Variants in NEK5 observed in about 807,000 individuals in gnomAD.
NEK5 encodes serine/threonine-protein kinase Nek5.
Under a neutral mutation model 109.2 loss-of-function variants are expected in NEK5, and 88 were observed. That is an observed-to-expected ratio of 0.81 (90% CI 0.68 to 0.96). The LOEUF (loss-of-function observed/expected upper bound fraction) is 0.96, where lower values mean the gene tolerates loss of function less well. NEK5 is among the 40% of genes least tolerant of loss of function. The pLI, the probability that NEK5 is intolerant of heterozygous loss-of-function variation, is 0.00. For synonymous variants in NEK5, 283 were observed against 299.9 expected (o/e 0.94, Z 0.58); for missense variants, 834 against 920.7 (o/e 0.91, Z 1.22).
At chr13:52,105,853 G>A (rs746579695) in intron 8 of NEK5, among the ~76,000 whole-genome samples, 22 of 152,098 alleles carry the variant, frequency 1.4e-4, no homozygotes, top group Non-Finnish European at 3.2e-4. Flanking sequence ...ATATTTTAAA[G>A]TCTTTCAATA....
At chr13:52,083,438 AT>A (rs1955056257) in intron 16 of NEK5, 86 bp from the exon 17 acceptor site, 5 of 783,172 alleles carry the variant, frequency 6.4e-6, no homozygotes, top group East Asian at 5.0e-5. Flanking sequence ...CAATGATGAA[AT>A]GGCTGGACAG....
chr13:52,068,463 A>G (rs1954725837), intron 20 of NEK5, among the ~76,000 whole-genome samples: 1 of 74,566 alleles, frequency 1.3e-5, no homozygotes, highest in Non-Finnish European at 2.8e-5. Context: ...ATGAATACAC[A>G]AATACACACA....
intron 23 of NEK5, among the ~76,000 whole-genome samples, chr13:52,044,672 G>T (rs908976452): frequency 6.6e-6 from 1 of 152,194 alleles, no homozygotes; most frequent in Non-Finnish European, 1.5e-5. Context: ...CTAAGCCAAA[G>T]CCCAAGATAG....
At chr13:52,096,962 G>A (rs1031939401) in intron 12 of NEK5, among the ~76,000 whole-genome samples, 4 of 152,186 alleles carry the variant, frequency 2.6e-5, no homozygotes, top group Admixed American at 2.6e-4. Flanking sequence ...TCAGGACATG[G>A]TGTCCTGTAT....
chr13:52,118,456 GAC>G (rs1185560033), intron 4 of NEK5, among the ~76,000 whole-genome samples: 1 of 152,120 alleles, frequency 6.6e-6, no homozygotes, highest in Non-Finnish European at 1.5e-5. Context: ...CTATATTCCT[GAC>G]ACCTAGAACA....
intron 20 of NEK5, 126 bp from the exon 21 acceptor site, chr13:52,065,735 C>T (rs912499611): frequency 1.5e-6 from 1 of 645,814 alleles, no homozygotes. Context: ...AAATGACCAC[C>T]CTTGTTCTAA....
chr13:52,093,063 G>A lies in NEK5; in HGVS notation c.1199C>T (p.Pro400Leu), dbSNP rs764074677. ...TAGACCACAATATTACCATTGACTT[G>A]GGGATGGACCATGCCTCGTTTCCTG... ...YGQETRHGPS[P>L]SQWPAEYLQR... The change falls in exon 13 of 24, where the codon CCA (proline) becomes CTA (leucine). Residue 400 changes from proline (P) to leucine (L), a missense_variant. Coordinates refer to ENST00000684899, the MANE Select transcript of NEK5 (RefSeq NM_001365552.1). 6 of 1,608,988 alleles carry A rather than the reference G, an allele frequency of 3.7e-6. No homozygotes were observed. The East Asian group carries it at 8.9e-5, about 24-fold the overall frequency.
At chr13:52,116,472 G>A (rs1046645270) in intron 4 of NEK5, among the ~76,000 whole-genome samples, 10 of 152,160 alleles carry the variant, frequency 6.6e-5, no homozygotes, top group African/African-American at 2.2e-4. Context: ...AGGCTGCAGT[G>A]AGCCATGATC....
chr13:52,099,402 T>C (rs1955483346), intron 12 of NEK5, among the ~76,000 whole-genome samples: 1 of 152,070 alleles, frequency 6.6e-6, no homozygotes. Context: ...CCGGGCGCCA[T>C]GGCTCACACC....
chr13:52,075,853 AGTTTAGCAATTCAGT>A, intron 18 of NEK5, 27 bp from the exon 19 acceptor site: 1 of 1,339,494 alleles, frequency 7.5e-7, no homozygotes, highest in Non-Finnish European at 1.0e-6. Flanking sequence ...AAAAAAAAAA[AGTTTAGCAATTCAGT>A]AAAAGCCTTA....
intron 3 of NEK5, among the ~76,000 whole-genome samples, chr13:52,120,749 A>T (rs1422505560): frequency 6.6e-6 from 1 of 152,044 alleles, no homozygotes; most frequent in African/African-American, 2.4e-5. Context: ...TGTCTCTACT[A>T]AAAACACAAA....
Position 52,035,788 on chromosome 13 carries a change from A to C in NEK5, c.*1160T>G, listed in dbSNP as rs1468426854. On this transcript the variant is annotated 3_prime_UTR_variant, in exon 24 of 24. Transcript: ENST00000684899. The stretch of plus-strand genomic sequence containing the variant: ...TTAGACAAAATGGCCATGGTCATTT[A>C]GTGCATAATTAACACACCATGCCTT... The C allele has an allele frequency of 6.6e-6, 1 of 152,154 alleles. No homozygotes were observed. 9.4% of individuals were successfully genotyped at this position (152,154 alleles called of 1,614,324 possible).
intron 22 of NEK5, among the ~76,000 whole-genome samples, chr13:52,054,302 A>C (rs1365076447): frequency 6.6e-6 from 1 of 152,198 alleles, no homozygotes; most frequent in Non-Finnish European, 1.5e-5. Context: ...GGAATAAATA[A>C]ATGTAATGAA....
intron 22 of NEK5, among the ~76,000 whole-genome samples, chr13:52,057,453 C>G (rs1343778335): frequency 6.6e-6 from 1 of 151,902 alleles, no homozygotes; most frequent in African/African-American, 2.4e-5. Context: ...TTTTATGAGG[C>G]CAGCATCATC....
At position 52,064,500 on chromosome 13, in the gene NEK5, G is replaced by A. The variant is rs530056100; in HGVS notation, c.1975+984C>T. Among the ~76,000 whole-genome samples, 17 of 149,394 alleles carry A rather than the reference G, an allele frequency of 1.1e-4. No individual in the cohort carries two copies. In the South Asian group the frequency reaches 3.6e-3, roughly 32 times the overall value. The stretch of plus-strand genomic sequence containing the variant: ...GCCGCCCCGTCTGGGAGGGAGGTGG[G>A]GGGGTCAGCCCCCCGCCTGGCCAGC... On this transcript the variant is annotated intron_variant, in intron 21 of 23. Transcript: ENST00000684899.
At chr13:52,064,055 G>A (rs1876360176) in intron 21 of NEK5, among the ~76,000 whole-genome samples, 1 of 138,148 alleles carries the variant, frequency 7.2e-6, no homozygotes, top group African/African-American at 2.9e-5. Context: ...GAGGTGGGGG[G>A]GTCAGCCCCC....
At chr13:52,068,193 C>G (rs1314387837) in intron 20 of NEK5, among the ~76,000 whole-genome samples, 3 of 152,126 alleles carry the variant, frequency 2.0e-5, no homozygotes, top group Non-Finnish European at 4.4e-5. Context: ...CAGTGAAGAG[C>G]TTTCCTCTTT....
intron 13 of NEK5, among the ~76,000 whole-genome samples, chr13:52,091,388 C>T (rs915531143): frequency 6.6e-6 from 1 of 152,142 alleles, no homozygotes; most frequent in African/African-American, 2.4e-5. Flanking sequence ...GGACAGAAGA[C>T]ATAACTTTTG....
intron 17 of NEK5, among the ~76,000 whole-genome samples, chr13:52,079,666 C>G (rs1183019430): frequency 5.3e-5 from 8 of 152,260 alleles, no homozygotes; most frequent in Non-Finnish European, 1.0e-4. Flanking sequence ...CCACCTCCCA[C>G]CCGCCTGCCT....
Sources: allele counts gnomAD v4.1 joint callset (sites outside exome capture counted in the v4.1 genomes callset), GRCh38; gene constraint gnomAD v4.1.1; transcripts MANE v1.5; gene names NCBI Gene and HGNC (gene_info 2026-07-23, HGNC 2026-07-21).